The following ATE1 variants were observed in gnomAD, a reference collection of about 807,000 sequenced individuals.
ATE1 encodes arginyltransferase 1, also known as arginyl-tRNA--protein transferase 1.
Under a neutral mutation model 70.5 loss-of-function variants are expected in ATE1, and 36 were observed. The observed-to-expected ratio is 0.51, with a 90% CI of 0.39 to 0.67. ATE1 has a LOEUF of 0.67. Ranked by LOEUF, ATE1 falls within the 30% of genes least tolerant of loss-of-function variation. The probability of loss-of-function intolerance (pLI) is 0.00; values close to 1 mark genes in which losing one functional copy is unlikely to be tolerated. For synonymous variants in ATE1, 232 were observed against 219.3 expected (o/e 1.06, Z -0.51); for missense variants, 593 against 629.5 (o/e 0.94, Z 0.62).
At chr10:121,848,905 C>T (rs1233798167) in intron 8 of ATE1, among the ~76,000 whole-genome samples, 4 of 149,050 alleles carry the variant, frequency 2.7e-5, no homozygotes, top group African/African-American at 9.9e-5. Context: ...AGCAAGACTC[C>T]CTCTAAAAAA....
Position 121,899,054 on chromosome 10 carries a change from C to T in ATE1, c.942+812G>A, listed in dbSNP as rs187749934. The T allele has an allele frequency of 3.3e-4, 490 of 1,465,374 alleles. 1 individual carries two copies. In the African/African-American group the frequency reaches 6.0e-3, roughly 18 times the overall value. The allele number at this position is 1,465,374 out of a possible 1,614,324, so 90.8% of individuals were successfully genotyped here. On this transcript the variant is annotated intron_variant, in intron 7 of 11. Coordinates refer to ENST00000224652, the MANE Select transcript of ATE1 (RefSeq NM_001001976.3). The stretch of plus-strand genomic sequence containing the variant: ...GAAGGTGAGGCTACAGTAAGATCTC[C>T]ACAAATCCACGCCAAAGCTCGAACT...
rs182003681 is a variant in ATE1, at chr10:121,870,042, C to T, written c.943-4G>A. 2.4e-5 allele frequency: 38 copies of T among 1,609,558 alleles called. No individual in the cohort carries two copies. The African/African-American group carries it at 3.7e-4, about 16-fold the overall frequency. Reference sequence around the variant, plus strand: ...AACTGCAAAGGAATCTTGTGAACTGCAGTCAAATTTGAACAGAATCCATTT... The same window carrying T: ...AACTGCAAAGGAATCTTGTGAACTGTAGTCAAATTTGAACAGAATCCATTT... On this transcript the variant is annotated splice_polypyrimidine_tract_variant and splice_region_variant and intron_variant, in intron 7 of 11. Coordinates refer to ENST00000224652, the MANE Select transcript of ATE1 (RefSeq NM_001001976.3).
intron 7 of ATE1, among the ~76,000 whole-genome samples, chr10:121,899,637 T>A (rs560959489): frequency 6.6e-6 from 1 of 152,232 alleles, no homozygotes; most frequent in Non-Finnish European, 1.5e-5. Flanking sequence ...CTTTAAATAA[T>A]TTTACATGTT....
At chr10:121,901,615 C>A (rs532136684) in intron 6 of ATE1, among the ~76,000 whole-genome samples, 1 of 152,022 alleles carries the variant, frequency 6.6e-6, no homozygotes, top group East Asian at 1.9e-4. Flanking sequence ...CGCCACCACG[C>A]CTGGCCAATT....
chr10:121,815,378 G>A (rs1947499519), intron 10 of ATE1, among the ~76,000 whole-genome samples: 1 of 152,044 alleles, frequency 6.6e-6, no homozygotes, highest in African/African-American at 2.4e-5. Flanking sequence ...CTTGTGATCC[G>A]CCTGTCTCGG....
At chr10:121,904,638 CT>C (rs1226061496) in intron 5 of ATE1, among the ~76,000 whole-genome samples, 4 of 75,304 alleles carry the variant, frequency 5.3e-5, no homozygotes, top group Non-Finnish European at 9.6e-5. Flanking sequence ...GAGACTCCGT[CT>C]CAAAAAAAAA....
At chr10:121,806,130 A>G (rs1947086226) in intron 10 of ATE1, among the ~76,000 whole-genome samples, 1 of 152,184 alleles carries the variant, frequency 6.6e-6, no homozygotes, top group Non-Finnish European at 1.5e-5. Context: ...ATGAAACCAT[A>G]AAAAGGAAAC....
At chr10:121,912,297 G>C (rs1361061151) in intron 4 of ATE1, among the ~76,000 whole-genome samples, 1 of 151,964 alleles carries the variant, frequency 6.6e-6, no homozygotes, top group African/African-American at 2.4e-5. Flanking sequence ...CTAGTTCCAG[G>C]CACAGATAAT....
At chr10:121,837,490 G>A (rs960553798) in intron 9 of ATE1, among the ~76,000 whole-genome samples, 2 of 151,926 alleles carry the variant, frequency 1.3e-5, no homozygotes, top group African/African-American at 4.8e-5. Flanking sequence ...CATTCTACTT[G>A]CCCAGCTAAA....
At chr10:121,827,101 C>T (rs1948052520) in intron 10 of ATE1, among the ~76,000 whole-genome samples, 1 of 151,942 alleles carries the variant, frequency 6.6e-6, no homozygotes, top group African/African-American at 2.4e-5. Context: ...GAAACCTCCG[C>T]CTTCTGGGTT....
chr10:121,889,156 T>C (rs1950502485), intron 7 of ATE1, among the ~76,000 whole-genome samples: 1 of 152,186 alleles, frequency 6.6e-6, no homozygotes, highest in Non-Finnish European at 1.5e-5. Context: ...AATTTCTTAA[T>C]CTAACAGTGA....
At chr10:121,753,940 A>G (rs530279813) in intron 11 of ATE1, among the ~76,000 whole-genome samples, 1 of 152,316 alleles carries the variant, frequency 6.6e-6, no homozygotes, top group East Asian at 1.9e-4. Flanking sequence ...TGGTCAAGAA[A>G]TTAGTTACAT....
chr10:121,790,582 G>T (rs1946393533), intron 10 of ATE1, among the ~76,000 whole-genome samples: 1 of 152,148 alleles, frequency 6.6e-6, no homozygotes, highest in Non-Finnish European at 1.5e-5. Flanking sequence ...TTCTTGCTGA[G>T]CTGACTTGAG....
intron 11 of ATE1, among the ~76,000 whole-genome samples, chr10:121,771,074 A>G (rs549530238): frequency 2.0e-5 from 3 of 152,100 alleles, no homozygotes; most frequent in African/African-American, 4.8e-5. Context: ...TCTCTACTTT[A>G]TTTATTTATT....
At chr10:121,880,899 T>C (rs563721295) in intron 7 of ATE1, among the ~76,000 whole-genome samples, 2 of 152,324 alleles carry the variant, frequency 1.3e-5, no homozygotes, top group East Asian at 1.9e-4. Flanking sequence ...AGTTTTAATG[T>C]GAAAAACAGA....
chr10:121,870,058 G>A lies in ATE1; in HGVS notation c.943-20C>T. The stretch of plus-strand genomic sequence containing the variant: ...TGTGAACTGCAGTCAAATTTGAACA[G>A]AATCCATTTCATCCAGTAAACAGAC... On this transcript the variant is annotated intron_variant, in intron 7 of 11. Coordinates refer to ENST00000224652, the MANE Select transcript of ATE1 (RefSeq NM_001001976.3). The A allele has an allele frequency of 6.2e-7, 1 of 1,607,060 alleles. No individual in the cohort carries two copies. Among genetic ancestry groups the A allele is most frequent in the Non-Finnish European group, 8.5e-7 (1 of 1,175,022 alleles).
chr10:121,866,057 T>C (rs1949653066), intron 8 of ATE1, among the ~76,000 whole-genome samples: 2 of 152,372 alleles, frequency 1.3e-5, no homozygotes, highest in South Asian at 2.1e-4. Context: ...ATAGACCATA[T>C]TTGTAATTTT....
intron 3 of ATE1, among the ~76,000 whole-genome samples, chr10:121,916,281 G>A (rs915147133): frequency 5.9e-5 from 9 of 152,002 alleles, no homozygotes; most frequent in African/African-American, 1.2e-4. Context: ...GAAAGAACAC[G>A]TCTCAGACAA....
chr10:121,744,043 C>A (rs1210415187), intron 11 of ATE1, among the ~76,000 whole-genome samples, 185 bp from the exon 12 acceptor site: 1 of 151,292 alleles, frequency 6.6e-6, no homozygotes, highest in South Asian at 2.1e-4. Context: ...CTGCCTCAGC[C>A]TCCCAAGTAG....
Sources: gnomAD v4.1 joint callset for allele counts (sites outside exome capture counted in the v4.1 genomes callset) on GRCh38, gnomAD v4.1.1 for gene constraint, MANE v1.5 for transcripts, NCBI Gene and HGNC (gene_info 2026-07-23, HGNC 2026-07-21) for gene names.